TRPV3: variants seen among roughly 807,000 people sequenced by gnomAD.
TRPV3 encodes VRL-3.
TRPV3 carries 88 observed loss-of-function variants against 87.1 expected under a neutral mutation model. The ratio of observed to expected loss-of-function variants is 1.01; its 90% CI spans 0.85 to 1.21. TRPV3 has a LOEUF of 1.21. Among genes scored for constraint, TRPV3 ranks in the 50% most tolerant of loss-of-function variants. The probability of loss-of-function intolerance (pLI) is 0.00; values close to 1 mark genes in which losing one functional copy is unlikely to be tolerated. For missense variants in TRPV3, 1,054 were observed against 1,030.1 expected (o/e 1.02, Z -0.32); for synonymous variants, 438 against 423.3 (o/e 1.03, Z -0.43).
rs755389746 is a variant in TRPV3 at position 3,543,609 on chromosome 17, C to T, written c.331G>A (p.Glu111Lys). Residue 111 changes from glutamate (E) to lysine (K), a missense_variant, in exon 5 of 18, where the codon GAG (glutamate) becomes AAG (lysine). Transcript: ENST00000576742. ...NSPSAQLAKE[E>K]QRRKKRRLKK... is the part of the protein sequence containing the mutation. ...AGCCGCCTCTTTTTCCTCCTCTGCT[C>T]TTCCTTGGCCAGCTGTGCACTGAAG... 1 of 1,614,152 alleles carries T rather than the reference C, an allele frequency of 6.2e-7. No individual in the cohort carries two copies.
rs75040410 is a variant in TRPV3, at chr17:3,531,563, C to T, written c.1065+1094G>A. On this transcript the variant is annotated intron_variant, in intron 8 of 17. Transcript: ENST00000576742. ...CCGGCCACAGCGGGCACACTGTCCC[C>T]TAGAAAACAAGGGGGTCCTGGGACC... is the stretch of plus-strand genomic sequence containing the variant. 5.5e-3 allele frequency among the ~76,000 whole-genome samples: 845 copies of T among 152,266 alleles called. 19 individuals carry two copies. The East Asian group carries it at 0.085, about 15-fold the overall frequency.
chr17:3,538,244 C>T lies in TRPV3; in HGVS notation c.644-2531G>A, dbSNP rs1245067268. ...TTAAAAGTCTATAATATATTACAAG[C>T]GCCTATGAATCAATAGAAAGACAAA... On this transcript the variant is annotated intron_variant, in intron 6 of 17. Transcript: ENST00000576742. Among the ~76,000 whole-genome samples, 8 of 151,656 alleles carry T rather than the reference C, an allele frequency of 5.3e-5. No homozygotes were observed. In the South Asian group the frequency reaches 1.2e-3, roughly 24 times the overall value.
Position 3,557,193 on chromosome 17 carries a change from A to C in TRPV3, c.-3+483T>G, listed in dbSNP as rs2074640542. On this transcript the variant is annotated intron_variant, in intron 1 of 17. Transcript: ENST00000576742. The surrounding 1 kb of genome is among the most constrained non-coding windows in gnomAD (Gnocchi z 4.5). ...TCTCCCAATCCCTGACACTGATTGA[A>C]ATGGCCTTTCCCGGGCGACAGACCA... Among the ~76,000 whole-genome samples, 1 of 152,072 alleles carries C rather than the reference A, an allele frequency of 6.6e-6. No homozygotes were observed. Among genetic ancestry groups the C allele is most frequent in the Non-Finnish European group, 1.5e-5 (1 of 68,010 alleles).
At position 3,528,947 on chromosome 17, in the gene TRPV3, T is replaced by C. The variant is rs2074324614; in HGVS notation, c.1291A>G (p.Met431Val). 1.2e-6 allele frequency: 2 copies of C among 1,614,080 alleles called. No individual in the cohort carries two copies. Among genetic ancestry groups the C allele is most frequent in the South Asian group, 1.1e-5 (1 of 91,088 alleles). Residue 431 changes from methionine to valine, a missense_variant, in exon 10 of 18, where the codon ATG (methionine) becomes GTG (valine). Physicochemically the swap from Met to Val is conservative, Grantham distance 21. Transcript: ENST00000576742. This position sits in a 1 kb window ranked among gnomAD's most constrained non-coding sequence, Gnocchi z 4.2. Reference protein sequence around the residue: ...TLEPLHTLLHMKWKKFAKHMF... With the variant: ...TLEPLHTLLHVKWKKFAKHMF... ...TGCTTGGCAAACTTCTTCCACTTCA[T>C]ATGCAGCAGCGTGTGCAGCGGCTCC...
At chr17:3,551,870 CTTTTT>C (rs747932928) in intron 2 of TRPV3, among the ~76,000 whole-genome samples, 3 of 43,354 alleles carry the variant, frequency 6.9e-5, no homozygotes, top group Non-Finnish European at 1.3e-4. Context: ...GTAATTTATT[CTTTTT>C]TTTTTTTTTT....
intron 7 of TRPV3, among the ~76,000 whole-genome samples, chr17:3,535,185 T>TTTCTCCCTCTCCC (rs2074389197): frequency 3.4e-5 from 3 of 87,916 alleles, no homozygotes; most frequent in African/African-American, 1.2e-4. Flanking sequence ...TCCTCCTCCC[T>TTTCTCCCTCTCCC]TCCTCCCTCT....
At chr17:3,553,315 C>T (rs746773288) in intron 2 of TRPV3, 70 of 152,776 alleles carry the variant, frequency 4.6e-4, no homozygotes, top group Non-Finnish European at 8.3e-4. Context: ...CCGTCATCCA[C>T]GCAGATCCCC....
intron 9 of TRPV3, among the ~76,000 whole-genome samples, chr17:3,529,454 C>G (rs1172755029): frequency 6.6e-6 from 1 of 152,126 alleles, no homozygotes; most frequent in Non-Finnish European, 1.5e-5. Flanking sequence ...AAGCATGACT[C>G]TTAGTAAAGT....
At chr17:3,547,931 T>A (rs1198920493) in intron 2 of TRPV3, among the ~76,000 whole-genome samples, 1 of 152,174 alleles carries the variant, frequency 6.6e-6, no homozygotes, top group Non-Finnish European at 1.5e-5. Flanking sequence ...GGCACCCATG[T>A]TCTTGGAAAC....
At chr17:3,541,684 G>A (rs2074462709) in intron 6 of TRPV3, among the ~76,000 whole-genome samples, 1 of 152,156 alleles carries the variant, frequency 6.6e-6, no homozygotes, top group African/African-American at 2.4e-5. Flanking sequence ...ACTTTTGGTG[G>A]CCCCTGCCCG....
At chr17:3,549,671 G>A (rs1459563094) in intron 2 of TRPV3, among the ~76,000 whole-genome samples, 1 of 151,574 alleles carries the variant, frequency 6.6e-6, no homozygotes, top group Non-Finnish European at 1.5e-5. Context: ...TGGATGGACA[G>A]ATGATGGAAT....
intron 15 of TRPV3, 26 bp from the exon 16 acceptor site, chr17:3,516,595 G>A: frequency 6.4e-7 from 1 of 1,561,446 alleles, no homozygotes; most frequent in Non-Finnish European, 8.8e-7. Flanking sequence ...AGTCTAAGGA[G>A]TAGGCATCCA....
chr17:3,546,748 T>C (rs1220885218), intron 2 of TRPV3: 6 of 451,300 alleles, frequency 1.3e-5, no homozygotes, highest in Non-Finnish European at 2.7e-5. Flanking sequence ...GAGGTCAAAG[T>C]GGGCAGATCA....
In TRPV3 at chr17:3,530,106, G is replaced by C; in HGVS notation, c.1163C>G (p.Ser388Cys). The C allele has an allele frequency of 1.2e-6, 2 of 1,614,188 alleles. No homozygotes were observed. Among genetic ancestry groups the C allele is most frequent in the Non-Finnish European group, 1.7e-6 (2 of 1,180,014 alleles). ...TDWAYGPVSSSLYDLTNVDTT... is the reference protein window; with the variant it reads ...TDWAYGPVSSCLYDLTNVDTT... Reference sequence around the variant, plus strand: ...GTCCACGTTGGTGAGGTCGTAGAGGGAGGATGACACGGGTCCGTACGCCCA... The same window carrying C: ...GTCCACGTTGGTGAGGTCGTAGAGGCAGGATGACACGGGTCCGTACGCCCA... Residue 388 changes from serine (S) to cysteine (C), a missense_variant, in exon 9 of 18, where the codon TCC becomes TGC. Coordinates refer to ENST00000576742, the MANE Select transcript of TRPV3 (RefSeq NM_145068.4). This position sits in a 1 kb window ranked among gnomAD's most constrained non-coding sequence, Gnocchi z 4.0.
chr17:3,516,580 A>G lies in TRPV3; in HGVS notation c.2086-11T>C. 1.9e-6 allele frequency: 3 copies of G among 1,604,154 alleles called. No individual in the cohort carries two copies. The highest frequency in any genetic ancestry group is 2.2e-5 in the South Asian group (2 of 90,876). ...GATGGTCCTGGCTCTCTGGGGACAT[A>G]AGCAAGTCTAAGGAGTAGGCATCCA... On this transcript the variant is annotated splice_polypyrimidine_tract_variant and intron_variant, in intron 15 of 17. Coordinates refer to ENST00000576742, the MANE Select transcript of TRPV3 (RefSeq NM_145068.4).
At position 3,516,552 on chromosome 17, in the gene TRPV3, C is replaced by T; in HGVS notation, c.2103G>A (p.Leu701=). ...IWRLQRARTI[L]EFEKMLPEWL... The stretch of plus-strand genomic sequence containing the variant: ...ATTCTGGTAACATTTTCTCAAACTC[C>T]AAGATGGTCCTGGCTCTCTGGGGAC... The change falls in exon 16 of 18, where the codon TTG becomes TTA. Residue 701 remains leucine (L), a synonymous_variant. Coordinates refer to ENST00000576742, the MANE Select transcript of TRPV3 (RefSeq NM_145068.4). The T allele has an allele frequency of 2.5e-6, 4 of 1,614,024 alleles. No homozygotes were observed. The highest frequency in any genetic ancestry group is 3.4e-6 in the Non-Finnish European group (4 of 1,179,924).
chr17:3,524,391 C>T (rs770107871), intron 12 of TRPV3, 28 bp from the exon 13 acceptor site: 3 of 1,611,708 alleles, frequency 1.9e-6, no homozygotes, highest in Non-Finnish European at 1.7e-6. Flanking sequence ...GAGACACGGG[C>T]CTTACTTACT....
intron 6 of TRPV3, among the ~76,000 whole-genome samples, chr17:3,541,763 C>T (rs994191905): frequency 3.9e-5 from 6 of 152,264 alleles, no homozygotes; most frequent in Admixed American, 6.5e-5. Context: ...CATCTTGGGG[C>T]TTTCGCCCTG....
Position 3,542,559 on chromosome 17 carries a change from C to T in TRPV3, c.606G>A (p.Arg202=). The change falls in exon 6 of 18, where the codon AGG becomes AGA. Residue 202 remains arginine, a synonymous_variant. Transcript: ENST00000576742. ...CCTCTGTGTACTCGGCGTTGATGAACCTGCCCAGGATGTCGTTCTCTTCAG... is the reference window on the plus strand; with the variant it reads ...CCTCTGTGTACTCGGCGTTGATGAATCTGCCCAGGATGTCGTTCTCTTCAG... The part of the protein sequence containing the change: ...AFAEENDILG[R]FINAEYTEEA... 6 of 1,614,134 alleles carry T rather than the reference C, an allele frequency of 3.7e-6. No homozygotes were observed. Among genetic ancestry groups the T allele is most frequent in the Non-Finnish European group, 5.1e-6 (6 of 1,180,006 alleles).
Sources: allele counts gnomAD v4.1 joint callset (sites outside exome capture counted in the v4.1 genomes callset), GRCh38; gene constraint gnomAD v4.1.1; non-coding constraint Gnocchi (gnomAD v3.1); transcripts MANE v1.5; gene names NCBI Gene and HGNC (gene_info 2026-07-23, HGNC 2026-07-21).